Variants in CPZ observed in about 807,000 individuals in gnomAD.
The protein encoded by CPZ is VEZT/CPZ fusion.
Under a neutral mutation model 61.8 loss-of-function variants are expected in CPZ, and 103 were observed. The observed-to-expected ratio is 1.67, with a 90% CI of 1.42 to 1.96. The LOEUF is 1.96. Ranked by LOEUF, CPZ falls within the 30% of genes most tolerant of loss-of-function variation. The probability of loss-of-function intolerance (pLI) is 0.00; values close to 1 mark genes in which losing one functional copy is unlikely to be tolerated. For synonymous variants in CPZ, 551 were observed against 373.7 expected, an observed-to-expected ratio of 1.47 and a Z score of -5.47; for missense variants, 1,461 against 914.9, an observed-to-expected ratio of 1.60 and a Z score of -7.70.
intron 2 of CPZ, among the ~76,000 whole-genome samples, chr4:8,600,634 T>G (rs1714506065): frequency 6.6e-6 from 1 of 152,230 alleles, no homozygotes. Context: ...AGAGCAGAGA[T>G]GAGCCGGCTG....
At chr4:8,613,381 C>T (rs1042596587) in intron 8 of CPZ, among the ~76,000 whole-genome samples, 3 of 152,200 alleles carry the variant, frequency 2.0e-5, no homozygotes, top group Non-Finnish European at 2.9e-5. Flanking sequence ...CCGCCTGCCT[C>T]GGACTCCCAG....
At chr4:8,609,803 A>C (rs536724127) in intron 7 of CPZ, among the ~76,000 whole-genome samples, 8 of 152,210 alleles carry the variant, frequency 5.3e-5, no homozygotes, top group Admixed American at 1.3e-4. Context: ...GGCAGTGATC[A>C]TGCAGCCCTG....
chr4:8,610,906 G>A (rs772233408), intron 7 of CPZ, among the ~76,000 whole-genome samples: 5 of 152,202 alleles, frequency 3.3e-5, no homozygotes, highest in East Asian at 1.9e-4. Flanking sequence ...CAAACCTCAC[G>A]TCTGGGAGTC....
intron 7 of CPZ, among the ~76,000 whole-genome samples, chr4:8,610,964 GCAATCACT>G (rs1560299660): frequency 6.6e-6 from 1 of 152,036 alleles, no homozygotes; most frequent in African/African-American, 2.4e-5. Context: ...CTGGCCTGGA[GCAATCACT>G]CATTCACTCA....
intron 1 of CPZ, among the ~76,000 whole-genome samples, chr4:8,599,179 C>T (rs112151240): frequency 1.3e-5 from 2 of 152,348 alleles, no homozygotes; most frequent in African/African-American, 2.4e-5. Context: ...GGCCCAGCCC[C>T]GGGCTTCGAG....
At chr4:8,611,144 C>T (rs988004588) in intron 7 of CPZ, 2 of 437,974 alleles carry the variant, frequency 4.6e-6, no homozygotes, top group Non-Finnish European at 9.4e-6. Flanking sequence ...TAGTGTCCTC[C>T]ACTCCTCCTT....
At chr4:8,611,744 A>G (rs1198437081) in intron 7 of CPZ, among the ~76,000 whole-genome samples, 1 of 151,708 alleles carries the variant, frequency 6.6e-6, no homozygotes, top group Admixed American at 6.6e-5. Flanking sequence ...GAAAGCCCAC[A>G]CTACCCGGCC....
Position 8,601,144 on chromosome 4 carries a change from T to C in CPZ, c.143T>C (p.Leu48Pro). The change falls in exon 3 of 11, where the codon CTC becomes CCC. Residue 48 changes from leucine (L) to proline (P), a missense_variant. Physicochemically the swap from Leu to Pro is moderately conservative, Grantham distance 98. Transcript: ENST00000360986. ...ADSATCVDLQLRTCSDAAYNH... is the reference protein window; with the variant it reads ...ADSATCVDLQPRTCSDAAYNH... Reference sequence around the variant, plus strand: ...CCAGCCACCTGCGTGGACCTGCAGCTCAGGACCTGCAGCGATGCCGCCTAC... The same window carrying C: ...CCAGCCACCTGCGTGGACCTGCAGCCCAGGACCTGCAGCGATGCCGCCTAC... 6.3e-7 allele frequency: 1 copy of C among 1,586,074 alleles called. No individual in the cohort carries two copies. The highest frequency in any genetic ancestry group is 8.6e-7 in the Non-Finnish European group (1 of 1,161,290).
intron 7 of CPZ, among the ~76,000 whole-genome samples, chr4:8,608,275 C>G (rs1002981346): frequency 6.6e-6 from 1 of 152,054 alleles, no homozygotes; most frequent in Non-Finnish European, 1.5e-5. Flanking sequence ...CCCCAGGCTT[C>G]GCGTGGAGAG....
At position 8,608,420 on chromosome 4, in the gene CPZ, T is replaced by C. The variant is rs534587405; in HGVS notation, c.1227+995T>C. Among the ~76,000 whole-genome samples the C allele has an allele frequency of 5.3e-5, 8 of 152,294 alleles. No individual in the cohort carries two copies. In the South Asian group the frequency reaches 1.7e-3, roughly 32 times the overall value. Reference sequence around the variant, plus strand: ...CATAACAGCAGTCACACATCGTTTGTTCTCCTTTCTGAGGCCACCCGGCCG... The same window carrying C: ...CATAACAGCAGTCACACATCGTTTGCTCTCCTTTCTGAGGCCACCCGGCCG... On this transcript the variant is annotated intron_variant, in intron 7 of 10. Coordinates refer to ENST00000360986, the MANE Select transcript of CPZ (RefSeq NM_001014447.3).
chr4:8,607,747 G>C, intron 7 of CPZ, among the ~76,000 whole-genome samples: 1 of 152,140 alleles, frequency 6.6e-6, no homozygotes, highest in Non-Finnish European at 1.5e-5. Flanking sequence ...GCGCCTGGCG[G>C]GGTCCCCAGT....
At chr4:8,599,041 C>T (rs1577108577) in intron 1 of CPZ, among the ~76,000 whole-genome samples, 1 of 152,238 alleles carries the variant, frequency 6.6e-6, no homozygotes, top group Non-Finnish European at 1.5e-5. Context: ...CTTTTGGAAT[C>T]TTCTGAGGAC....
At chr4:8,611,102 ACTCACTCACTGG>A in intron 7 of CPZ, 1 of 412,868 alleles carries the variant, frequency 2.4e-6, no homozygotes, top group Non-Finnish European at 5.1e-6. Flanking sequence ...TCACTCACTC[ACTCACTCACTGG>A]GCCCTGCCTG....
intron 9 of CPZ, among the ~76,000 whole-genome samples, chr4:8,617,710 C>T (rs1164266127): frequency 2.6e-5 from 4 of 152,180 alleles, no homozygotes; most frequent in African/African-American, 4.8e-5. Context: ...CCTCTCCCCA[C>T]AGGCATCCTG....
chr4:8,612,377 C>T (rs1715787187), intron 8 of CPZ, among the ~76,000 whole-genome samples: 1 of 152,012 alleles, frequency 6.6e-6, no homozygotes, highest in South Asian at 2.1e-4. Flanking sequence ...GGACCCAGGC[C>T]CGTGGCTCCT....
Position 8,606,841 on chromosome 4 carries a change from G to C in CPZ, c.1011G>C (p.Glu337Asp), listed in dbSNP as rs1715060869. 14 of 1,613,536 alleles carry C rather than the reference G, an allele frequency of 8.7e-6. No homozygotes were observed. In the South Asian group the frequency reaches 1.3e-4, roughly 15 times the overall value. Residue 337 changes from glutamate (E) to aspartate (D), a missense_variant, in exon 6 of 11, where the codon GAG becomes GAC. Glu to Asp is a conservative substitution (Grantham distance 45). Transcript: ENST00000360986. ...DLTSEYYRLA[E>D]TRGARSDHIP... Reference sequence around the variant, plus strand: ...CGTCCGAGTACTACCGGCTGGCGGAGACCCGCGGCGCACGCAGCGACCACA... The same window carrying C: ...CGTCCGAGTACTACCGGCTGGCGGACACCCGCGGCGCACGCAGCGACCACA...
intron 9 of CPZ, 161 bp from the exon 10 acceptor site, chr4:8,618,268 C>T (rs1034092814): frequency 1.4e-5 from 9 of 631,428 alleles, no homozygotes; most frequent in African/African-American, 9.1e-5. Context: ...GAGTGACTGA[C>T]TCGTTAAAGA....
At chr4:8,600,623 C>G (rs912774138) in intron 2 of CPZ, among the ~76,000 whole-genome samples, 1 of 152,212 alleles carries the variant, frequency 6.6e-6, no homozygotes, top group Non-Finnish European at 1.5e-5. Context: ...CTGCGAGCTG[C>G]AGAGCAGAGA....
At chr4:8,599,742 C>T in intron 2 of CPZ, 1 of 786,704 alleles carries the variant, frequency 1.3e-6, no homozygotes, top group Non-Finnish European at 1.9e-6. Flanking sequence ...TCCTCTCCAT[C>T]CCTCTCCAGT....
Sources: allele counts gnomAD v4.1 joint callset (sites outside exome capture counted in the v4.1 genomes callset), GRCh38; gene constraint gnomAD v4.1.1; transcripts MANE v1.5; gene names NCBI Gene and HGNC (gene_info 2026-07-23, HGNC 2026-07-21).